OR2C1: variants seen among roughly 807,000 people sequenced by gnomAD.
OR2C1 encodes olfactory receptor family 2 subfamily C member 1.
For missense variants in OR2C1, 468 were observed against 388.3 expected (o/e 1.21, Z -1.73); for synonymous variants, 209 against 167.3 (o/e 1.25, Z -1.92).
At position 3,356,196 on chromosome 16, in the gene OR2C1, TG is replaced by T; in HGVS notation, c.260del (p.Gly87AspfsTer12). The T allele has an allele frequency of 6.2e-7, 1 of 1,614,198 alleles. No individual in the cohort carries two copies. The highest frequency in any genetic ancestry group is 8.5e-7 in the Non-Finnish European group (1 of 1,180,034). Reference sequence around the variant, plus strand: ...AGTCCCCCAAATGCTGATCAATTTATGGGGACCAGGCAAGACCATCAGCTAT... The same window carrying T: ...AGTCCCCCAAATGCTGATCAATTTATGGGACCAGGCAAGACCATCAGCTAT... ...SSVPQMLINLWGPGKTISYGG... is the reference protein window; with the variant it reads ...SSVPQMLINLXGPGKTISYGG... On this transcript the variant is annotated frameshift_variant, in exon 1 of 1. Transcript: ENST00000304936. LOFTEE classifies it low-confidence loss of function (END_TRUNC).
chr16:3,346,539 G>C, the OR2C1 span, among the ~76,000 whole-genome samples: 1 of 151,736 alleles, frequency 6.6e-6, no homozygotes, highest in Non-Finnish European at 1.5e-5. Flanking sequence ...TGATATCTGA[G>C]GGTTCCGTCT....
chr16:3,336,819 C>T, the OR2C1 span, among the ~76,000 whole-genome samples: 1 of 146,812 alleles, frequency 6.8e-6, no homozygotes. Flanking sequence ...AGCGATTCTT[C>T]TTCTTCAGCC....
chr16:3,346,791 G>A, the OR2C1 span, among the ~76,000 whole-genome samples: 5 of 150,770 alleles, frequency 3.3e-5, no homozygotes, highest in Admixed American at 6.6e-5. Flanking sequence ...CACCACGCTC[G>A]ACTAATTTTT....
chr16:3,356,804 C>T lies in OR2C1; in HGVS notation c.864C>T (p.Leu288=), dbSNP rs760317516. 2.5e-6 allele frequency: 4 copies of T among 1,585,746 alleles called. No homozygotes were observed. The South Asian group carries it at 4.6e-5, about 18-fold the overall frequency. ...TGGTCACACCCATGGTGAATCCCCT[C>T]ATCTACACGCTGCGGAACATGGAAG... The part of the protein sequence containing the change: ...YSLVTPMVNP[L]IYTLRNMEVK... The change falls in exon 1 of 1, where the codon CTC becomes CTT. Residue 288 remains leucine, a synonymous_variant. Transcript: ENST00000304936.
At chr16:3,344,838 A>T in the OR2C1 span, among the ~76,000 whole-genome samples, 1 of 152,132 alleles carries the variant, frequency 6.6e-6, no homozygotes, top group African/African-American at 2.4e-5. Context: ...CCTTTGGGAC[A>T]GTCTGTTGGT....
At chr16:3,323,725 C>T in the OR2C1 span, 1 of 685,458 alleles carries the variant, frequency 1.5e-6, no homozygotes, top group South Asian at 1.6e-5. Flanking sequence ...ATCTGAGACA[C>T]ACCTTGTCAC....
upstream of OR2C1, among the ~76,000 whole-genome samples, chr16:3,353,355 G>A (rs529010074): frequency 1.3e-5 from 2 of 151,968 alleles, no homozygotes; most frequent in South Asian, 2.1e-4. Flanking sequence ...GCTGGGGATG[G>A]TGGTGTGCAC....
the OR2C1 span, among the ~76,000 whole-genome samples, chr16:3,328,046 A>G: frequency 3.3e-5 from 5 of 152,188 alleles, no homozygotes; most frequent in African/African-American, 1.2e-4. Flanking sequence ...CTCATTTGTT[A>G]TCATGCTTCC....
At chr16:3,352,241 C>T (rs564472052), upstream of OR2C1, among the ~76,000 whole-genome samples, 3 of 151,810 alleles carry the variant, frequency 2.0e-5, no homozygotes, top group Non-Finnish European at 2.9e-5. Flanking sequence ...CTCAGCCTCC[C>T]GAGTAGCTGG....
the OR2C1 span, among the ~76,000 whole-genome samples, chr16:3,327,686 C>G: frequency 1.3e-5 from 2 of 151,526 alleles, no homozygotes; most frequent in South Asian, 2.1e-4. Context: ...TTTAACAAGC[C>G]TCAGAGTGCT....
the OR2C1 span, among the ~76,000 whole-genome samples, chr16:3,325,783 G>C: frequency 6.6e-6 from 1 of 151,460 alleles, no homozygotes; most frequent in Non-Finnish European, 1.5e-5. Context: ...TGCTTTGTTG[G>C]TGTAAAAGGG....
upstream of OR2C1, among the ~76,000 whole-genome samples, chr16:3,355,249 T>A (rs1321134039): frequency 1.3e-5 from 2 of 148,866 alleles, no homozygotes; most frequent in Admixed American, 1.3e-4. Context: ...TATCACGAGG[T>A]CAGGAGTTCG....
the OR2C1 span, among the ~76,000 whole-genome samples, chr16:3,328,753 G>A: frequency 5.9e-5 from 9 of 152,144 alleles, no homozygotes; most frequent in Admixed American, 5.2e-4. Context: ...AGGGTCCCTG[G>A]TGGAGCAATG....
At chr16:3,326,474 T>C in the OR2C1 span, among the ~76,000 whole-genome samples, 2 of 152,212 alleles carry the variant, frequency 1.3e-5, no homozygotes, top group Non-Finnish European at 1.5e-5. Flanking sequence ...TTAGAAGATA[T>C]GGTTCAGTGC....
the OR2C1 span, among the ~76,000 whole-genome samples, chr16:3,325,997 C>G: frequency 2.0e-5 from 3 of 147,020 alleles, no homozygotes; most frequent in East Asian, 6.0e-4. Context: ...GTGGTGCGAT[C>G]TCGGCTCAAT....
Position 3,356,690 on chromosome 16 carries a change from C to T in OR2C1, c.750C>T (p.Leu250=). Reference sequence around the variant, plus strand: ...TCTCCCATCTGCTGGTGGTGTTCCTCTTCTATGGCTCAGCCAGCTATGGGT... The same window carrying T: ...TCTCCCATCTGCTGGTGGTGTTCCTTTTCTATGGCTCAGCCAGCTATGGGT... ...TCLSHLLVVF[L]FYGSASYGYL... The change falls in exon 1 of 1, where the codon CTC becomes CTT. Residue 250 remains leucine (L), a synonymous_variant. Transcript: ENST00000304936. The T allele has an allele frequency of 6.2e-7, 1 of 1,614,192 alleles. No homozygotes were observed. Among genetic ancestry groups the T allele is most frequent in the African/African-American group, 1.3e-5 (1 of 75,052 alleles).
chr16:3,345,660 GC>G, the OR2C1 span, among the ~76,000 whole-genome samples: 50 of 152,122 alleles, frequency 3.3e-4, no homozygotes, highest in African/African-American at 1.1e-3. Context: ...TAGAGTAGGT[GC>G]CTATGAGGGA....
chr16:3,325,467 A>ATG, the OR2C1 span, among the ~76,000 whole-genome samples: 1 of 13,692 alleles, frequency 7.3e-5, no homozygotes, highest in Non-Finnish European at 1.4e-4. Context: ...AAAAATATAT[A>ATG]TATATATATA....
At chr16:3,331,093 A>G in the OR2C1 span, among the ~76,000 whole-genome samples, 1 of 152,130 alleles carries the variant, frequency 6.6e-6, no homozygotes, top group Admixed American at 6.6e-5. Context: ...CTGGTGTGAG[A>G]TGGTATCTCA....
Sources: gnomAD v4.1 joint callset for allele counts (sites outside exome capture counted in the v4.1 genomes callset) on GRCh38, gnomAD v4.1.1 for gene constraint, MANE v1.5 for transcripts, NCBI Gene and HGNC (gene_info 2026-07-23, HGNC 2026-07-21) for gene names.